Variants in SH3GL2 observed in about 807,000 individuals in gnomAD.
SH3GL2 encodes SH3 domain containing GRB2 like 2, endophilin A1.
In SH3GL2, 24 loss-of-function variants were observed where a neutral mutation model predicts 46.0. The observed-to-expected ratio is 0.52, with a 90% confidence interval of 0.38 to 0.73. The LOEUF (loss-of-function observed/expected upper bound fraction) is 0.73, where lower values mean the gene tolerates loss of function less well. Ranked by LOEUF, SH3GL2 falls within the 30% of genes least tolerant of loss-of-function variation. The pLI is 0.00. For synonymous variants in SH3GL2, 196 were observed against 147.1 expected, an observed-to-expected ratio of 1.33 and a Z score of -2.40; for missense variants, 413 against 424.2, an observed-to-expected ratio of 0.97 and a Z score of 0.23.
At chr9:17,654,915 A>G (rs1471704244) in intron 1 of SH3GL2, among the ~76,000 whole-genome samples, 1 of 152,220 alleles carries the variant, frequency 6.6e-6, no homozygotes, top group East Asian at 1.9e-4. Context: ...TGACAAAGTC[A>G]TGCTCCTCCT....
chr9:17,599,355 G>A (rs1278662157), intron 1 of SH3GL2, among the ~76,000 whole-genome samples: 1 of 152,136 alleles, frequency 6.6e-6, no homozygotes, highest in East Asian at 1.9e-4. Context: ...ATGGGATTAA[G>A]ATTTGCAGCA....
intron 1 of SH3GL2, among the ~76,000 whole-genome samples, chr9:17,684,001 C>G (rs188456383): frequency 1.3e-5 from 2 of 152,188 alleles, no homozygotes; most frequent in East Asian, 1.9e-4. Flanking sequence ...ATACCTCAGT[C>G]TCTATAGTTC....
chr9:17,680,383 T>C (rs1434394061), intron 1 of SH3GL2, among the ~76,000 whole-genome samples: 3 of 152,234 alleles, frequency 2.0e-5, no homozygotes, highest in African/African-American at 7.2e-5. Context: ...CAGGAATTTA[T>C]TCATTTCTTC....
chr9:17,726,580 C>T (rs1424441948), intron 1 of SH3GL2, among the ~76,000 whole-genome samples: 1 of 152,006 alleles, frequency 6.6e-6, no homozygotes, highest in Non-Finnish European at 1.5e-5. Context: ...AGAACTACTA[C>T]ACGACACACG....
intron 3 of SH3GL2, among the ~76,000 whole-genome samples, chr9:17,763,033 G>T (rs1307970899): frequency 1.3e-5 from 2 of 152,170 alleles, no homozygotes; most frequent in Non-Finnish European, 2.9e-5. Context: ...GAAAGGCAGT[G>T]GGAGGAGGAA....
intron 1 of SH3GL2, among the ~76,000 whole-genome samples, chr9:17,740,619 C>T (rs34609165): frequency 0.17 from 26,145 of 152,070 alleles, 2,567 homozygotes; most frequent in Middle Eastern, 0.25. Flanking sequence ...TAGTGTCCTA[C>T]AGGGATAGCT....
intron 1 of SH3GL2, among the ~76,000 whole-genome samples, chr9:17,662,523 G>A (rs575220883): frequency 1.3e-4 from 20 of 152,240 alleles, no homozygotes; most frequent in African/African-American, 4.8e-4. Context: ...GGAAGCTCCA[G>A]TGCCTTCTGT....
At chr9:17,686,574 T>A (rs1219347976) in intron 1 of SH3GL2, among the ~76,000 whole-genome samples, 4 of 146,372 alleles carry the variant, frequency 2.7e-5, no homozygotes, top group Admixed American at 7.3e-5. Flanking sequence ...ATTGAGAAAA[T>A]GTGGCACATA....
chr9:17,637,479 C>A (rs999227584), intron 1 of SH3GL2, among the ~76,000 whole-genome samples: 1 of 152,146 alleles, frequency 6.6e-6, no homozygotes, highest in Non-Finnish European at 1.5e-5. Flanking sequence ...TCGGGAACTC[C>A]TATAGCTAGG....
In SH3GL2 at chr9:17,730,114, GT is replaced by G. The variant is rs201813566; in HGVS notation, c.46-16949del. On this transcript the variant is annotated intron_variant, in intron 1 of 8. Transcript: ENST00000380607. ...ATGAGCATGGAATGTTTTCCCATTT[GT>G]TTGTGTCCTCTCTTATTTCCTTGAG... Among the ~76,000 whole-genome samples the G allele has an allele frequency of 5.6e-3, 856 of 152,118 alleles. 10 individuals are homozygous for G. The highest frequency in any genetic ancestry group is 0.02 in the African/African-American group (816 of 41,502).
chr9:17,709,202 C>A lies in SH3GL2; in HGVS notation c.46-37864C>A, dbSNP rs769021314. On this transcript the variant is annotated intron_variant, in intron 1 of 8. Coordinates refer to ENST00000380607, the MANE Select transcript of SH3GL2 (RefSeq NM_003026.5). ...GCTTATTTGGGGACCATGAAGAATC[C>A]ATTTGGCCTGAAAAAAGCTTGGTTT... Among the ~76,000 whole-genome samples, 10 of 152,034 alleles carry A rather than the reference C, an allele frequency of 6.6e-5. No individual in the cohort carries two copies. The South Asian group carries it at 1.9e-3, about 28-fold the overall frequency.
chr9:17,746,665 G>T (rs997700564), intron 1 of SH3GL2, among the ~76,000 whole-genome samples: 1 of 152,168 alleles, frequency 6.6e-6, no homozygotes. Context: ...TTTAGGACTA[G>T]GTTGAAGAAG....
intron 2 of SH3GL2, among the ~76,000 whole-genome samples, chr9:17,757,012 A>G (rs9407835): frequency 0.037 from 5,663 of 152,040 alleles, 187 homozygotes; most frequent in African/African-American, 0.094. Context: ...TTTAATGATT[A>G]CCATTCTAAC....
At chr9:17,688,629 T>A (rs58835267) in intron 1 of SH3GL2, among the ~76,000 whole-genome samples, 8,033 of 151,868 alleles carry the variant, frequency 0.053, 698 homozygotes, top group African/African-American at 0.18. Flanking sequence ...CATTTTGTAG[T>A]GCGAGAGAGG....
chr9:17,676,341 C>T (rs539530530), intron 1 of SH3GL2, among the ~76,000 whole-genome samples: 4 of 152,260 alleles, frequency 2.6e-5, no homozygotes, highest in Middle Eastern at 6.8e-3. Flanking sequence ...CACGGTGGCT[C>T]ACGCATGTAA....
intron 1 of SH3GL2, among the ~76,000 whole-genome samples, chr9:17,612,009 A>G (rs1296285159): frequency 2.0e-5 from 3 of 152,184 alleles, no homozygotes; most frequent in Non-Finnish European, 4.4e-5. Context: ...AGTAGCTAAT[A>G]ATATTGGGAC....
chr9:17,765,262 G>A (rs9407845), intron 3 of SH3GL2, among the ~76,000 whole-genome samples: 68,504 of 97,410 alleles, frequency 0.7, 24,005 homozygotes, highest in East Asian at 0.88. Context: ...TGGGTTCATG[G>A]ACAGGCCAGG....
chr9:17,764,253 A>T (rs1242663861), intron 3 of SH3GL2, among the ~76,000 whole-genome samples: 4 of 152,202 alleles, frequency 2.6e-5, no homozygotes, highest in African/African-American at 2.4e-5. Context: ...TTGTGTAATC[A>T]TTCCACAGAA....
intron 2 of SH3GL2, among the ~76,000 whole-genome samples, chr9:17,758,016 C>G (rs555332750): frequency 3.3e-5 from 5 of 152,106 alleles, no homozygotes; most frequent in Non-Finnish European, 7.3e-5. Flanking sequence ...AGAAATTAGT[C>G]AGCCTCCTAC....
Sources: allele counts gnomAD v4.1 joint callset (sites outside exome capture counted in the v4.1 genomes callset), GRCh38; gene constraint gnomAD v4.1.1; transcripts MANE v1.5; gene names NCBI Gene and HGNC (gene_info 2026-07-23, HGNC 2026-07-21).